Variants in PTPRM observed in about 807,000 individuals in gnomAD.
The protein encoded by PTPRM is protein tyrosine phosphatase receptor type M, also known as receptor-type tyrosine-protein phosphatase mu.
In PTPRM, 47 loss-of-function variants were observed where a neutral mutation model predicts 186.7. The ratio of observed to expected loss-of-function variants is 0.25; its 90% CI spans 0.20 to 0.32. The LOEUF (loss-of-function observed/expected upper bound fraction) is 0.32, where lower values mean the gene tolerates loss of function less well. Ranked by LOEUF, PTPRM falls within the 10% of genes least tolerant of loss-of-function variation. The pLI, the probability that PTPRM is intolerant of heterozygous loss-of-function variation, is 1.00. For synonymous variants in PTPRM, 668 were observed against 674.9 expected, an observed-to-expected ratio of 0.99 and a Z score of 0.16; for missense variants, 1,494 against 1,865.0, an observed-to-expected ratio of 0.80 and a Z score of 3.66.
chr18:8,251,055 G>T lies in PTPRM; in HGVS notation c.2555-1433G>T, dbSNP rs568227165. On this transcript the variant is annotated intron_variant, in intron 17 of 32. Coordinates refer to ENST00000580170, the MANE Select transcript of PTPRM (RefSeq NM_001105244.2). Reference sequence around the variant, plus strand: ...TTCATGGACTTGGTGGTGTTTAAATGCTTGAAGACGTGTTCCACACTAGTA... The same window carrying T: ...TTCATGGACTTGGTGGTGTTTAAATTCTTGAAGACGTGTTCCACACTAGTA... 9.9e-5 allele frequency among the ~76,000 whole-genome samples: 15 copies of T among 152,240 alleles called. No homozygotes were observed. In the South Asian group the frequency reaches 3.1e-3, roughly 32 times the overall value.
intron 11 of PTPRM, among the ~76,000 whole-genome samples, chr18:8,091,929 A>G (rs2090755711): frequency 6.6e-6 from 1 of 152,186 alleles, no homozygotes; most frequent in Non-Finnish European, 1.5e-5. Flanking sequence ...CCAAATGATA[A>G]GATAAATACT....
intron 7 of PTPRM, among the ~76,000 whole-genome samples, chr18:7,989,052 A>T (rs1440677962): frequency 2.0e-5 from 3 of 152,204 alleles, no homozygotes; most frequent in Non-Finnish European, 4.4e-5. Flanking sequence ...ATTGCTTATT[A>T]TTATTAATAC....
rs554657554 is a variant in PTPRM, at chr18:8,262,777, C to T, written c.2754+9363C>T. ...AATATATTAATTGATTTATTCAGTA[C>T]GTATTTGACAAACAATACTGAATAT... On this transcript the variant is annotated intron_variant, in intron 19 of 32. Coordinates refer to ENST00000580170, the MANE Select transcript of PTPRM (RefSeq NM_001105244.2). Among the ~76,000 whole-genome samples, 12 of 152,262 alleles carry T rather than the reference C, an allele frequency of 7.9e-5. 1 individual carries two copies. In the Middle Eastern group the frequency reaches 0.02, roughly 259 times the overall value.
intron 7 of PTPRM, among the ~76,000 whole-genome samples, chr18:7,962,541 T>C (rs2053752261): frequency 6.6e-6 from 1 of 152,194 alleles, no homozygotes; most frequent in African/African-American, 2.4e-5. Flanking sequence ...GTTTGCCTAG[T>C]GGTAACACTG....
In PTPRM at chr18:7,888,319, C is replaced by A. The variant is rs747196967; in HGVS notation, c.410C>A (p.Thr137Lys). The A allele has an allele frequency of 6.2e-7, 1 of 1,614,214 alleles. No homozygotes were observed. Residue 137 changes from threonine to lysine, a missense_variant, in exon 3 of 33, where the codon ACA becomes AAA. Physicochemically the swap from Thr to Lys is moderately conservative, Grantham distance 78. Around this residue, in one of 3 missense-constraint regions of PTPRM, gnomAD observed 296 missense variants for 345.5 expected, o/e 0.86. Transcript: ENST00000580170. Reference sequence around the variant, plus strand: ...ATCTGGAATATATCTGGAGACCCAACACGTACATGGAACAGGGCAGAACTG... The same window carrying A: ...ATCTGGAATATATCTGGAGACCCAAAACGTACATGGAACAGGGCAGAACTG... ...NPIWNISGDP[T>K]RTWNRAELAI...
chr18:7,726,428 A>G (rs1043455127), intron 1 of PTPRM, among the ~76,000 whole-genome samples: 11 of 152,054 alleles, frequency 7.2e-5, no homozygotes, highest in African/African-American at 2.7e-4. Flanking sequence ...ACATTCTCCT[A>G]TCCTGTGCGT....
intron 2 of PTPRM, among the ~76,000 whole-genome samples, chr18:7,793,821 C>T (rs1405426152): frequency 6.6e-6 from 1 of 152,064 alleles, no homozygotes; most frequent in Admixed American, 6.6e-5. Context: ...CCATCTTGTC[C>T]CTATGAAAAC....
intron 7 of PTPRM, among the ~76,000 whole-genome samples, chr18:8,016,061 C>G (rs1346317057): frequency 1.3e-5 from 2 of 152,064 alleles, no homozygotes; most frequent in East Asian, 3.9e-4. Flanking sequence ...TAAGGTGGTC[C>G]TGAAGTGCTG....
chr18:7,568,592 C>G lies in PTPRM; in HGVS notation c.73+701C>G, dbSNP rs1200821789. ...GGCCCTGCGCCCCGCTGGGCTCCCC[C>G]TCCCCACCCTCGTCCCCCTAGCGGA... On this transcript the variant is annotated intron_variant, in intron 1 of 32. Transcript: ENST00000580170. This position sits in a 1 kb window ranked among gnomAD's most constrained non-coding sequence, Gnocchi z 5.1. Among the ~76,000 whole-genome samples the G allele has an allele frequency of 6.6e-6, 1 of 152,222 alleles. No homozygotes were observed. The highest frequency in any genetic ancestry group is 6.5e-5 in the Admixed American group (1 of 15,292).
intron 1 of PTPRM, among the ~76,000 whole-genome samples, chr18:7,635,914 T>G (rs186778818): frequency 1.3e-5 from 2 of 152,300 alleles, no homozygotes; most frequent in East Asian, 3.9e-4. Flanking sequence ...TCCACTACAT[T>G]TGATAGAGTT....
rs940000128 is a variant in PTPRM, at chr18:7,668,509, G to A, written c.73+100618G>A. Among the ~76,000 whole-genome samples the A allele has an allele frequency of 3.3e-5, 5 of 152,216 alleles. No homozygotes were observed. The highest frequency in any genetic ancestry group is 2.0e-4 in the Admixed American group (3 of 15,302). Reference sequence around the variant, plus strand: ...AGAACATTAGGCAGGTGCTCCTTTCGAGACAGACACAAGGCAGAGTGAATC... The same window carrying A: ...AGAACATTAGGCAGGTGCTCCTTTCAAGACAGACACAAGGCAGAGTGAATC... On this transcript the variant is annotated intron_variant, in intron 1 of 32. Coordinates refer to ENST00000580170, the MANE Select transcript of PTPRM (RefSeq NM_001105244.2). The surrounding 1 kb of genome is among the most constrained non-coding windows in gnomAD (Gnocchi z 4.7).
At chr18:7,867,541 C>G (rs2146136023) in intron 2 of PTPRM, among the ~76,000 whole-genome samples, 1 of 152,284 alleles carries the variant, frequency 6.6e-6, no homozygotes, top group East Asian at 1.9e-4. Flanking sequence ...TCTCTTCTGG[C>G]TTGTAGGGTT....
At chr18:8,012,674 C>G (rs996132023) in intron 7 of PTPRM, among the ~76,000 whole-genome samples, 5 of 152,116 alleles carry the variant, frequency 3.3e-5, no homozygotes, top group Admixed American at 3.3e-4. Flanking sequence ...AAACCTAGAA[C>G]AGGCGCAATA....
At chr18:7,988,398 A>G (rs1487350088) in intron 7 of PTPRM, among the ~76,000 whole-genome samples, 1 of 152,128 alleles carries the variant, frequency 6.6e-6, no homozygotes, top group Non-Finnish European at 1.5e-5. Flanking sequence ...TTTATTTTTT[A>G]TTGTAATAAA....
chr18:7,827,226 CT>C (rs980306193), intron 2 of PTPRM, among the ~76,000 whole-genome samples: 2 of 152,232 alleles, frequency 1.3e-5, no homozygotes, highest in African/African-American at 4.8e-5. Flanking sequence ...AGGCAAATTA[CT>C]GTGTCCCTCA....
At chr18:8,132,442 C>T (rs957215391) in intron 13 of PTPRM, among the ~76,000 whole-genome samples, 4 of 151,998 alleles carry the variant, frequency 2.6e-5, no homozygotes, top group South Asian at 2.1e-4. Flanking sequence ...TAACAAAGTC[C>T]GAAAATGCTC....
At chr18:8,147,872 A>C (rs2092921417) in intron 14 of PTPRM, among the ~76,000 whole-genome samples, 1 of 152,098 alleles carries the variant, frequency 6.6e-6, no homozygotes, top group Admixed American at 6.5e-5. Context: ...GAATTTTGTC[A>C]AAGACCTTTT....
intron 24 of PTPRM, among the ~76,000 whole-genome samples, chr18:8,372,320 C>T (rs571339326): frequency 1.4e-5 from 2 of 143,244 alleles, no homozygotes; most frequent in African/African-American, 5.4e-5. Context: ...ATGATCCACC[C>T]GCCTCGGCCT....
chr18:8,084,078 G>T (rs1209633150), intron 9 of PTPRM, among the ~76,000 whole-genome samples: 1 of 152,126 alleles, frequency 6.6e-6, no homozygotes, highest in Non-Finnish European at 1.5e-5. Flanking sequence ...TGTCATAGTT[G>T]TTGGATCACT....
Sources: gnomAD v4.1 joint callset for allele counts (sites outside exome capture counted in the v4.1 genomes callset) on GRCh38, gnomAD v4.1.1 for gene constraint, gnomAD v4.1.1 regional missense constraint, Gnocchi (gnomAD v3.1) non-coding constraint, MANE v1.5 for transcripts, NCBI Gene and HGNC (gene_info 2026-07-23, HGNC 2026-07-21) for gene names.